The following KCP variants were observed in gnomAD, a reference collection of about 807,000 sequenced individuals.
KCP encodes the protein kielin cysteine rich BMP regulator.
Under a neutral mutation model 212.7 loss-of-function variants are expected in KCP, and 194 were observed. The observed-to-expected ratio is 0.91, with a 90% CI of 0.81 to 1.03. The LOEUF is 1.03. KCP is among the 50% of genes least tolerant of loss of function. KCP has a pLI of 0.00. For missense variants in KCP, 2,080 were observed against 2,162.5 expected (o/e 0.96, Z 0.76); for synonymous variants, 833 against 865.3 (o/e 0.96, Z 0.65).
At position 128,879,986 on chromosome 7, in the gene KCP, C is replaced by T. The variant is rs936734465; in HGVS notation, c.3859G>A (p.Asp1287Asn). ...AFGDPHYRTF[D>N]GRLLHFQGSC... ...CCCTGGAAGTGCAGCAGGCGGCCGT[C>T]GAAGGTGCGGTAATGGGGGTCTCCG... is the stretch of plus-strand genomic sequence containing the variant. Residue 1287 changes from aspartate to asparagine, a missense_variant, in exon 35 of 40, where the codon GAC (aspartate) becomes AAC (asparagine). Coordinates refer to ENST00000610776, the MANE Select transcript of KCP (RefSeq NM_001366122.1). The T allele has an allele frequency of 9.0e-6, 14 of 1,550,416 alleles. No individual in the cohort carries two copies. Among genetic ancestry groups the T allele is most frequent in the Admixed American group, 7.8e-5 (4 of 50,966 alleles).
chr7:128,889,261 A>C (rs948652298), intron 21 of KCP, among the ~76,000 whole-genome samples: 6 of 151,790 alleles, frequency 4.0e-5, no homozygotes, highest in Admixed American at 6.6e-5. Flanking sequence ...CCTGCAAAAA[A>C]CCTTCCTGTT....
In KCP at chr7:128,880,089, C is replaced by A; in HGVS notation, c.3760-4G>T. On this transcript the variant is annotated splice_polypyrimidine_tract_variant and splice_region_variant and intron_variant, in intron 34 of 39. Transcript: ENST00000610776. ...GACTCAGGGCAGGGGCCTTGTCCTG[C>A]ACTCAGCCCCAGACACTGTCAGACA... is the stretch of plus-strand genomic sequence containing the variant. 3 of 1,530,190 alleles carry A rather than the reference C, an allele frequency of 2.0e-6. No individual in the cohort carries two copies. Among genetic ancestry groups the A allele is most frequent in the Middle Eastern group, 1.7e-4 (1 of 5,848 alleles). 94.8% of individuals were successfully genotyped at this position (1,530,190 alleles called of 1,614,324 possible).
chr7:128,886,639 CCA>C lies in KCP; in HGVS notation c.2772+14_2772+15del. On this transcript the variant is annotated intron_variant, in intron 25 of 39. Transcript: ENST00000610776. ...TGGTCCAGCTGTCACTCCACACCCC[CCA>C]CCTCCTGCTATACCTGACAGCGACA... The C allele has an allele frequency of 6.4e-7, 1 of 1,551,388 alleles. No individual in the cohort carries two copies. The highest frequency in any genetic ancestry group is 8.7e-7 in the Non-Finnish European group (1 of 1,146,838).
In KCP at chr7:128,877,203, C is replaced by A; in HGVS notation, c.4727G>T (p.Cys1576Phe). Reference protein sequence around the residue: ...HIPLGELAAHCVRPCVPGCQC... With the variant: ...HIPLGELAAHFVRPCVPGCQC... The stretch of plus-strand genomic sequence containing the variant: ...GCAGCCGGGCACGCAGGGCCTCACG[C>A]AGTGGGCTGCCAGCTCCCCCAGGGG... The change falls in exon 40 of 40, where the codon TGC becomes TTC. Residue 1576 changes from cysteine (C) to phenylalanine (F), a missense_variant. Cys to Phe is a radical substitution (Grantham distance 205, BLOSUM62 -2). Transcript: ENST00000610776. The A allele has an allele frequency of 1.3e-6, 2 of 1,482,088 alleles. No individual in the cohort carries two copies. The highest frequency in any genetic ancestry group is 1.8e-6 in the Non-Finnish European group (2 of 1,116,604). The allele number at this position is 1,482,088 out of a possible 1,614,324, so 91.8% of individuals were successfully genotyped here.
intron 22 of KCP, among the ~76,000 whole-genome samples, chr7:128,887,824 TACAC>T (rs149751415): frequency 0.27 from 34,287 of 128,564 alleles, 4,135 homozygotes; most frequent in East Asian, 0.54. Flanking sequence ...CACAGCCACA[TACAC>T]ACACACACAC....
intron 9 of KCP, 29 bp from the exon 10 acceptor site, chr7:128,894,084 CT>C (rs1396516584): frequency 3.2e-6 from 5 of 1,540,546 alleles, no homozygotes; most frequent in Non-Finnish European, 4.4e-6. Context: ...TTAGATGTTC[CT>C]CAGGGGCCCC....
chr7:128,888,776 T>C, intron 22 of KCP, 87 bp downstream of exon 22: 1 of 1,267,930 alleles, frequency 7.9e-7, no homozygotes, highest in Admixed American at 2.3e-5. Flanking sequence ...CGGCAGGCAG[T>C]GGGAGGGCTG....
rs987631400 is a variant in KCP at position 128,908,443 on chromosome 7, T to C, written c.202A>G (p.Met68Val). 120 of 1,551,448 alleles carry C rather than the reference T, an allele frequency of 7.7e-5. No homozygotes were observed. Among genetic ancestry groups the C allele is most frequent in the Non-Finnish European group, 1.0e-4 (118 of 1,146,958 alleles). Residue 68 changes from methionine (M) to valine (V), a missense_variant, in exon 2 of 40, where the codon ATG becomes GTG. Met to Val is a conservative substitution (Grantham distance 21, BLOSUM62 1). Coordinates refer to ENST00000610776, the MANE Select transcript of KCP (RefSeq NM_001366122.1). ...EWLGRLEAAV[M>V]ELREQNKDLQ... is the part of the protein sequence containing the mutation. ...CATGGTACCTGTTCTCTGAGCTCCATCACTGCAGCCTCCAGTCGCCCCAGC... is the reference window on the plus strand; with the variant it reads ...CATGGTACCTGTTCTCTGAGCTCCACCACTGCAGCCTCCAGTCGCCCCAGC...
In KCP at chr7:128,890,375, G is replaced by A. The variant is rs994858577; in HGVS notation, c.2303C>T (p.Pro768Leu). The A allele has an allele frequency of 6.4e-7, 1 of 1,551,386 alleles. No homozygotes were observed. Among genetic ancestry groups the A allele is most frequent in the Non-Finnish European group, 8.7e-7 (1 of 1,146,990 alleles). Residue 768 changes from proline to leucine, a missense_variant, in exon 21 of 40, where the codon CCT becomes CTT. Coordinates refer to ENST00000610776, the MANE Select transcript of KCP (RefSeq NM_001366122.1). ...GTCAGGGCAGCAGTCGCCCCTGGCAGGGAAGGGGCACAGTGCAGGGGCACA... is the reference window on the plus strand; with the variant it reads ...GTCAGGGCAGCAGTCGCCCCTGGCAAGGAAGGGGCACAGTGCAGGGGCACA... ...KACAPALCPFPARGDCCPDCD... is the reference protein window; with the variant it reads ...KACAPALCPFLARGDCCPDCD...
In KCP at chr7:128,891,417, C is replaced by G. The variant is rs776069300; in HGVS notation, c.1878+34G>C. ...GGCCTCTGCAAGTCCCGCCTCCACT[C>G]CCCTGGGCGCCTCCCACCCAGGTGC... is the stretch of plus-strand genomic sequence containing the variant. On this transcript the variant is annotated intron_variant, in intron 18 of 39. Coordinates refer to ENST00000610776, the MANE Select transcript of KCP (RefSeq NM_001366122.1). The G allele has an allele frequency of 1.9e-6, 3 of 1,548,582 alleles. No homozygotes were observed. In the South Asian group the frequency reaches 3.6e-5, roughly 18 times the overall value.
chr7:128,892,227 G>GT (rs1313143349), intron 16 of KCP, among the ~76,000 whole-genome samples: 1 of 148,536 alleles, frequency 6.7e-6, no homozygotes, highest in Non-Finnish European at 1.5e-5. Context: ...TACCTGGGGG[G>GT]TAGGGGGGTG....
rs189646984 is a variant in KCP, at chr7:128,877,421, C to T, written c.4618+63G>A. ...CCGGCCTGGTCCTGCCCTGAGCCCT[C>T]CGGGCTGCCCTTCTTCTCTGTGCTG... On this transcript the variant is annotated intron_variant, in intron 39 of 39. Transcript: ENST00000610776. 1.1e-4 allele frequency: 164 copies of T among 1,536,328 alleles called. 1 individual carries two copies. The African/African-American group carries it at 1.9e-3, about 17-fold the overall frequency.
Position 128,907,120 on chromosome 7 carries a change from C to T in KCP, c.467G>A (p.Cys156Tyr). The T allele has an allele frequency of 6.4e-7, 1 of 1,551,398 alleles. No individual in the cohort carries two copies. The change falls in exon 4 of 40, where the codon TGC (cysteine) becomes TAC (tyrosine). Residue 156 changes from cysteine (C) to tyrosine (Y), a missense_variant. Physicochemically the swap from Cys to Tyr is radical, Grantham distance 194 (BLOSUM62 -2). Coordinates refer to ENST00000610776, the MANE Select transcript of KCP (RefSeq NM_001366122.1). ...GCTTACCAGACAGCGGCAGGTGGTGCAGGCATCTGGGGAGAAGGTCTCCCC... is the reference window on the plus strand; with the variant it reads ...GCTTACCAGACAGCGGCAGGTGGTGTAGGCATCTGGGGAGAAGGTCTCCCC... The part of the protein sequence containing the change: ...GNGETFSPDA[C>Y]TTCRCLEGTI...
In KCP at chr7:128,892,693, A is replaced by C; in HGVS notation, c.1522T>G (p.Cys508Gly). ...CAGCAAGGCTGGGCAGTTACCTGAC[A>C]GTGGCAGGCATGGCAAGGGCTGTCT... ...DADSPCHACH[C>G]QDGTVTCSLV... The change falls in exon 15 of 40, where the codon TGT (cysteine) becomes GGT (glycine). Residue 508 changes from cysteine to glycine, a missense_variant. Cys to Gly is a radical substitution (Grantham distance 159, BLOSUM62 -3). Transcript: ENST00000610776. 1 of 1,551,644 alleles carries C rather than the reference A, an allele frequency of 6.4e-7. No homozygotes were observed. Among genetic ancestry groups the C allele is most frequent in the African/African-American group, 1.4e-5 (1 of 73,166 alleles).
At position 128,892,802 on chromosome 7, in the gene KCP, G is replaced by A; in HGVS notation, c.1421-8C>T. The A allele has an allele frequency of 6.4e-7, 1 of 1,551,680 alleles. No homozygotes were observed. The highest frequency in any genetic ancestry group is 2.0e-5 in the Admixed American group (1 of 50,996). ...AGCTGGGGCAGCAGGCACCTGGGTG[G>A]GGCAGGCTGGTCAGGGTGAGCTGGG... is the stretch of plus-strand genomic sequence containing the variant. On this transcript the variant is annotated splice_polypyrimidine_tract_variant and splice_region_variant and intron_variant, in intron 14 of 39. Transcript: ENST00000610776.
At position 128,886,634 on chromosome 7, in the gene KCP, ACCC is replaced by A. The variant is rs1398416208; in HGVS notation, c.2772+18_2772+20del. On this transcript the variant is annotated intron_variant, in intron 25 of 39. Coordinates refer to ENST00000610776, the MANE Select transcript of KCP (RefSeq NM_001366122.1). ...TGCTATGGTCCAGCTGTCACTCCACACCCCCCACCTCCTGCTATACCTGACAGC... is the reference window on the plus strand; with the variant it reads ...TGCTATGGTCCAGCTGTCACTCCACACCCACCTCCTGCTATACCTGACAGC... 3.9e-6 allele frequency: 6 copies of A among 1,550,438 alleles called. No homozygotes were observed. Among genetic ancestry groups the A allele is most frequent in the Admixed American group, 3.9e-5 (2 of 50,902 alleles).
chr7:128,908,240 GAAGAAAGAAAGAAGAAAGAAAGA>G (rs758956579), intron 2 of KCP, among the ~76,000 whole-genome samples, 163 bp downstream of exon 2: 9,665 of 70,792 alleles, frequency 0.14, 636 homozygotes, highest in East Asian at 0.27. Context: ...AAGAAGAAAG[GAAGAAAGAAAGAAGAAAGAAAGA>G]AAGAAAGAAA....
chr7:128,881,870 T>C, intron 30 of KCP, 67 bp downstream of exon 30: 1 of 1,466,528 alleles, frequency 6.8e-7, no homozygotes, highest in Non-Finnish European at 9.3e-7. Flanking sequence ...GGGAGAGGAG[T>C]GGCAGCCACA....
At chr7:128,905,633 C>T (rs1244727874) in intron 5 of KCP, among the ~76,000 whole-genome samples, 1 of 152,230 alleles carries the variant, frequency 6.6e-6, no homozygotes, top group Non-Finnish European at 1.5e-5. Context: ...GTGAATATTC[C>T]TCAAGCGCCC....
Sources: gnomAD v4.1 joint callset for allele counts (sites outside exome capture counted in the v4.1 genomes callset) on GRCh38, gnomAD v4.1.1 for gene constraint, MANE v1.5 for transcripts, NCBI Gene and HGNC (gene_info 2026-07-23, HGNC 2026-07-21) for gene names.